The following MEDAG variants were observed in gnomAD, a reference collection of about 807,000 sequenced individuals.
MEDAG encodes mesenteric estrogen-dependent adipogenesis protein.
In MEDAG, 25 loss-of-function variants were observed where a neutral mutation model predicts 29.9. The observed-to-expected ratio is 0.84, with a 90% CI of 0.61 to 1.17. MEDAG has a LOEUF of 1.17. MEDAG is among the 50% of genes most tolerant of loss of function. MEDAG has a pLI of 0.00. For synonymous variants in MEDAG, 158 were observed against 148.2 expected, an observed-to-expected ratio of 1.07 and a Z score of -0.48; for missense variants, 398 against 372.9, an observed-to-expected ratio of 1.07 and a Z score of -0.56.
intron 1 of MEDAG, among the ~76,000 whole-genome samples, chr13:30,915,386 G>A (rs919392983): frequency 2.0e-5 from 3 of 152,180 alleles, no homozygotes; most frequent in Non-Finnish European, 4.4e-5. Context: ...GCCCTGCACT[G>A]CCTCCGTCCA....
chr13:30,921,314 A>G (rs1394052669), intron 3 of MEDAG, among the ~76,000 whole-genome samples, 188 bp downstream of exon 3: 12 of 152,280 alleles, frequency 7.9e-5, no homozygotes, highest in Admixed American at 5.2e-4. Flanking sequence ...TTTAGTTCTT[A>G]GCAACCTATT....
intron 1 of MEDAG, among the ~76,000 whole-genome samples, chr13:30,914,079 A>G (rs1291557180): frequency 3.3e-5 from 5 of 152,206 alleles, no homozygotes; most frequent in African/African-American, 4.8e-5. Context: ...AAAGAAGATC[A>G]AATAACTAGT....
intron 1 of MEDAG, among the ~76,000 whole-genome samples, chr13:30,907,461 A>G (rs553156124): frequency 9.7e-4 from 148 of 152,340 alleles, no homozygotes; most frequent in Admixed American, 1.8e-3. Flanking sequence ...CCTTAATGGG[A>G]AGGAGGCCCC....
chr13:30,916,120 TGA>T (rs2138121750), intron 1 of MEDAG: 1 of 152,260 alleles, frequency 6.6e-6, no homozygotes, highest in African/African-American at 2.4e-5. Flanking sequence ...AGAAAGATAA[TGA>T]CATAGATTTC....
At chr13:30,909,396 A>G (rs965653561) in intron 1 of MEDAG, among the ~76,000 whole-genome samples, 2 of 152,174 alleles carry the variant, frequency 1.3e-5, no homozygotes, top group Admixed American at 6.5e-5. Flanking sequence ...TGGAGCCTAG[A>G]GTGGATGGAC....
rs148916695 is a variant in MEDAG at position 30,923,066 on chromosome 13, G to A, written c.787+1220G>A. ...CTCCCAAGTAGCTGGGACTACAGGTGTGTGCCACCATACCCAGCTAATTTT... is the reference window on the plus strand; with the variant it reads ...CTCCCAAGTAGCTGGGACTACAGGTATGTGCCACCATACCCAGCTAATTTT... On this transcript the variant is annotated intron_variant, in intron 4 of 4. Coordinates refer to ENST00000380482, the MANE Select transcript of MEDAG (RefSeq NM_032849.4). Among the ~76,000 whole-genome samples, 70 of 152,186 alleles carry A rather than the reference G, an allele frequency of 4.6e-4. No individual in the cohort carries two copies. In the Middle Eastern group the frequency reaches 0.01, roughly 22 times the overall value.
At chr13:30,916,701 GC>G (rs1653111232) in intron 1 of MEDAG, 1 of 152,256 alleles carries the variant, frequency 6.6e-6, no homozygotes, top group Non-Finnish European at 1.5e-5. Context: ...ATGTAGCTAG[GC>G]TGCTTGGAAG....
Position 30,925,158 on chromosome 13 carries a change from G to A in MEDAG, c.*723G>A, listed in dbSNP as rs1218435433. 1 of 152,156 alleles carries A rather than the reference G, an allele frequency of 6.6e-6. No homozygotes were observed. Among genetic ancestry groups the A allele is most frequent in the African/African-American group, 2.4e-5 (1 of 41,440 alleles). 9.4% of individuals were successfully genotyped at this position (152,156 alleles called of 1,614,324 possible). On this transcript the variant is annotated 3_prime_UTR_variant, in exon 5 of 5. Transcript: ENST00000380482. ...ATGGTACCGAACAATGACAGGGGAA[G>A]GGTATTGGACACGGCAGCGTCCTCC...
rs1025802415 is a variant in MEDAG, at chr13:30,921,662, A to G, written c.603A>G (p.Leu201=). The change falls in exon 4 of 5, where the codon TTA becomes TTG. Residue 201 remains leucine, a synonymous_variant. Coordinates refer to ENST00000380482, the MANE Select transcript of MEDAG (RefSeq NM_032849.4). Reference sequence around the variant, plus strand: ...CATATGAATTCAAAGCTGATGCATTATTTGATTTCTTCTATTGGTTTGGGC... The same window carrying G: ...CATATGAATTCAAAGCTGATGCATTGTTTGATTTCTTCTATTGGTTTGGGC... ...SFAYEFKADA[L]FDFFYWFGLS... is the part of the protein sequence containing the mutation. 2 of 1,614,082 alleles carry G rather than the reference A, an allele frequency of 1.2e-6. No individual in the cohort carries two copies. The highest frequency in any genetic ancestry group is 8.5e-7 in the Non-Finnish European group (1 of 1,179,978).
chr13:30,912,818 C>T (rs1952894128), intron 1 of MEDAG, among the ~76,000 whole-genome samples: 1 of 152,188 alleles, frequency 6.6e-6, no homozygotes, highest in East Asian at 1.9e-4. Flanking sequence ...TTATCAGATG[C>T]TGATATTTTC....
At position 30,924,639 on chromosome 13, in the gene MEDAG, C is replaced by G. The variant is rs2138131777; in HGVS notation, c.*204C>G. On this transcript the variant is annotated 3_prime_UTR_variant, in exon 5 of 5. Transcript: ENST00000380482. Reference sequence around the variant, plus strand: ...CCCAGGGCAGCTGATTCCCCTAAAACTTATGATTACCAGGATGGAAAGGCC... The same window carrying G: ...CCCAGGGCAGCTGATTCCCCTAAAAGTTATGATTACCAGGATGGAAAGGCC... 2.2e-6 allele frequency: 1 copy of G among 457,658 alleles called. No homozygotes were observed. Among genetic ancestry groups the G allele is most frequent in the Non-Finnish European group, 3.8e-6 (1 of 263,302 alleles). The allele number at this position is 457,658 out of a possible 1,614,324, so 28.3% of individuals were successfully genotyped here.
chr13:30,915,783 T>C (rs1038733575), intron 1 of MEDAG, among the ~76,000 whole-genome samples: 5 of 152,126 alleles, frequency 3.3e-5, no homozygotes, highest in Non-Finnish European at 7.4e-5. Context: ...TGCATTCTCT[T>C]ACCTGGCCAT....
chr13:30,922,909 T>G lies in MEDAG; in HGVS notation c.787+1063T>G, dbSNP rs1953002157. ...AATTGTATTTACAGCCTGTGTTTTT[T>G]TGCTTTGTTTTTTGTGTTTTTCATT... On this transcript the variant is annotated intron_variant, in intron 4 of 4. Transcript: ENST00000380482. 2.6e-5 allele frequency: 4 copies of G among 152,290 alleles called. No homozygotes were observed. The South Asian group carries it at 8.3e-4, about 32-fold the overall frequency. The allele number at this position is 152,290 out of a possible 1,614,324, so 9.4% of individuals were successfully genotyped here.
chr13:30,911,639 C>T (rs1952883352), intron 1 of MEDAG, among the ~76,000 whole-genome samples: 2 of 152,262 alleles, frequency 1.3e-5, no homozygotes, highest in South Asian at 4.2e-4. Context: ...TGACTTGCTC[C>T]CCTTGGCTTA....
At chr13:30,914,522 T>A (rs1397081499) in intron 1 of MEDAG, among the ~76,000 whole-genome samples, 2 of 152,234 alleles carry the variant, frequency 1.3e-5, no homozygotes, top group African/African-American at 4.8e-5. Flanking sequence ...TTATGTTGCA[T>A]GTAGTTTTAT....
At chr13:30,909,464 G>T (rs111713215) in intron 1 of MEDAG, among the ~76,000 whole-genome samples, 1 of 152,044 alleles carries the variant, frequency 6.6e-6, no homozygotes, top group East Asian at 1.9e-4. Context: ...ATGTGGGATG[G>T]CCTCTAACCA....
At chr13:30,916,608 C>T (rs977561331) in intron 1 of MEDAG, 2 of 152,224 alleles carry the variant, frequency 1.3e-5, no homozygotes, top group African/African-American at 2.4e-5. Context: ...GGCATCTGAG[C>T]TTGGGTTTAG....
rs748486713 is a variant in MEDAG at position 30,921,785 on chromosome 13, G to T, written c.726G>T (p.Met242Ile). The change falls in exon 4 of 5, where the codon ATG becomes ATT. Residue 242 changes from methionine (M) to isoleucine (I), a missense_variant. Physicochemically the swap from Met to Ile is conservative, Grantham distance 10 (BLOSUM62 1). Coordinates refer to ENST00000380482, the MANE Select transcript of MEDAG (RefSeq NM_032849.4). ...KETIKLFLEK[M>I]SEPLIRRSSF... ...CGATTAAGTTATTTCTGGAAAAAATGAGTGAGCCTTTAATCCGAAGGAGCA... is the reference window on the plus strand; with the variant it reads ...CGATTAAGTTATTTCTGGAAAAAATTAGTGAGCCTTTAATCCGAAGGAGCA... 6.2e-7 allele frequency: 1 copy of T among 1,613,458 alleles called. No individual in the cohort carries two copies. Among genetic ancestry groups the T allele is most frequent in the Non-Finnish European group, 8.5e-7 (1 of 1,179,868 alleles).
chr13:30,924,443 G>T lies in MEDAG; in HGVS notation c.*8G>T. 6.2e-7 allele frequency: 1 copy of T among 1,613,458 alleles called. No individual in the cohort carries two copies. Among genetic ancestry groups the T allele is most frequent in the South Asian group, 1.1e-5 (1 of 90,876 alleles). On this transcript the variant is annotated 3_prime_UTR_variant, in exon 5 of 5. Transcript: ENST00000380482. Reference sequence around the variant, plus strand: ...CCCAACCAATTTATCTGATTGAACTGAACATTGTAGCAGTTGCTCCCGCAC... The same window carrying T: ...CCCAACCAATTTATCTGATTGAACTTAACATTGTAGCAGTTGCTCCCGCAC...
Sources: gnomAD v4.1 joint callset for allele counts (sites outside exome capture counted in the v4.1 genomes callset) on GRCh38, gnomAD v4.1.1 for gene constraint, MANE v1.5 for transcripts, NCBI Gene and HGNC (gene_info 2026-07-23, HGNC 2026-07-21) for gene names.